IL6ST: variants seen among roughly 807,000 people sequenced by gnomAD.
IL6ST encodes interleukin 6 cytokine family signal transducer, also known as interleukin-6 receptor subunit beta.
In IL6ST, 24 loss-of-function variants were observed where a neutral mutation model predicts 91.3. The ratio of observed to expected loss-of-function variants is 0.26; its 90% CI spans 0.19 to 0.37. IL6ST has a LOEUF of 0.37. Among genes scored for constraint, IL6ST ranks in the 10% least tolerant of loss-of-function variants. The pLI is 1.00. For missense variants in IL6ST, 914 were observed against 1,078.5 expected, an observed-to-expected ratio of 0.85 and a Z score of 2.14; for synonymous variants, 351 against 373.6, an observed-to-expected ratio of 0.94 and a Z score of 0.70.
At chr5:55,993,134 C>T (rs764073906) in intron 1 of IL6ST, among the ~76,000 whole-genome samples, 1 of 152,242 alleles carries the variant, frequency 6.6e-6, no homozygotes, top group Non-Finnish European at 1.5e-5. Context: ...CCAGAGAATT[C>T]TGACTCCCAT....
chr5:55,980,040 T>C (rs2111883093), intron 2 of IL6ST, among the ~76,000 whole-genome samples: 1 of 152,318 alleles, frequency 6.6e-6, no homozygotes, highest in East Asian at 1.9e-4. Flanking sequence ...TTGCTATTAT[T>C]TGTGGGCAAA....
Position 55,939,948 on chromosome 5 carries a change from A to G in IL6ST, c.*1134T>C, listed in dbSNP as rs970205548. On this transcript the variant is annotated 3_prime_UTR_variant, in exon 17 of 17. Coordinates refer to ENST00000381298, the MANE Select transcript of IL6ST (RefSeq NM_002184.4). Reference sequence around the variant, plus strand: ...TTGGGGTTCTGTTTTGTTTTGGCAAATATTGCCCAAGTTGTCTTAGTGTGC... The same window carrying G: ...TTGGGGTTCTGTTTTGTTTTGGCAAGTATTGCCCAAGTTGTCTTAGTGTGC... 4 of 204,290 alleles carry G rather than the reference A, an allele frequency of 2.0e-5. No homozygotes were observed. Among genetic ancestry groups the G allele is most frequent in the Non-Finnish European group, 4.0e-5 (4 of 99,638 alleles). The allele number at this position is 204,290 out of a possible 1,614,324, so 12.7% of individuals were successfully genotyped here. A position where few individuals can be genotyped will look rare whatever the true frequency, so the allele number is the denominator to read the frequency against.
chr5:55,981,409 C>A (rs1753661285), intron 2 of IL6ST, among the ~76,000 whole-genome samples: 1 of 152,094 alleles, frequency 6.6e-6, no homozygotes, highest in Non-Finnish European at 1.5e-5. Context: ...CTTTGGGAAG[C>A]CAAGGCAGGC....
Position 55,960,499 on chromosome 5 carries a change from A to G in IL6ST, c.876T>C (p.Phe292=), listed in dbSNP as rs769931450. The G allele has an allele frequency of 6.2e-7, 1 of 1,613,944 alleles. No homozygotes were observed. Among genetic ancestry groups the G allele is most frequent in the Non-Finnish European group, 8.5e-7 (1 of 1,179,788 alleles). ...AGCGAATCCTAAACACATATTCTGT[A>G]AAAGGTTTAAGGTCTTGGACAGTGA... The part of the protein sequence containing the change: ...SSFTVQDLKP[F]TEYVFRIRCM... Residue 292 remains phenylalanine, a synonymous_variant, in exon 8 of 17, where the codon TTT becomes TTC. Coordinates refer to ENST00000381298, the MANE Select transcript of IL6ST (RefSeq NM_002184.4).
chr5:55,961,650 C>T (rs1435370719), intron 7 of IL6ST, among the ~76,000 whole-genome samples: 4 of 151,620 alleles, frequency 2.6e-5, no homozygotes, highest in African/African-American at 7.3e-5. Context: ...CCCAGCTACT[C>T]GGGAGTCTGA....
rs1031180562 is a variant in IL6ST at position 55,938,517 on chromosome 5, A to T, written c.*2565T>A. 3.5e-5 allele frequency: 7 copies of T among 199,180 alleles called. No individual in the cohort carries two copies. Among genetic ancestry groups the T allele is most frequent in the African/African-American group, 1.6e-4 (7 of 43,422 alleles). The allele number at this position is 199,180 out of a possible 1,614,324, so 12.3% of individuals were successfully genotyped here. On this transcript the variant is annotated 3_prime_UTR_variant, in exon 17 of 17. Transcript: ENST00000381298. ...TTATAACCCTAAAGGGAGCAACTGCAGGTGCAGAAGCAGTGAGTGAACTAG... is the reference window on the plus strand; with the variant it reads ...TTATAACCCTAAAGGGAGCAACTGCTGGTGCAGAAGCAGTGAGTGAACTAG...
chr5:55,951,943 A>G lies in IL6ST; in HGVS notation c.1685T>C (p.Ile562Thr). Reference protein sequence around the residue: ...RNYTIFYRTIIGNETAVNVDS... With the variant: ...RNYTIFYRTITGNETAVNVDS... Reference sequence around the variant, plus strand: ...AGTTTTATTACCAGTTTCATTTCCAATGATGGTTCTATAAAATATAGTATA... The same window carrying G: ...AGTTTTATTACCAGTTTCATTTCCAGTGATGGTTCTATAAAATATAGTATA... The change falls in exon 13 of 17, where the codon ATT (isoleucine) becomes ACT (threonine). Residue 562 changes from isoleucine to threonine, a missense_variant. Coordinates refer to ENST00000381298, the MANE Select transcript of IL6ST (RefSeq NM_002184.4). The G allele has an allele frequency of 6.8e-7, 1 of 1,465,686 alleles. No homozygotes were observed. The highest frequency in any genetic ancestry group is 9.5e-7 in the Non-Finnish European group (1 of 1,053,522). The allele number at this position is 1,465,686 out of a possible 1,614,324, so 90.8% of individuals were successfully genotyped here.
chr5:55,974,070 A>G (rs898163766), intron 3 of IL6ST, among the ~76,000 whole-genome samples: 4 of 152,226 alleles, frequency 2.6e-5, no homozygotes, highest in African/African-American at 9.6e-5. Context: ...TTCACTGATC[A>G]CTAGCTCAAC....
chr5:55,952,014 C>T lies in IL6ST; in HGVS notation c.1614G>A (p.Glu538=), dbSNP rs759691065. 1 of 1,611,324 alleles carries T rather than the reference C, an allele frequency of 6.2e-7. No homozygotes were observed. ...GAACATCAACAGGAAGTTGGTCCCA[C>T]TCTAAGACAGCTTCGTTTTTCCCTA... ...KKVGKNEAVL[E]WDQLPVDVQN... is the part of the protein sequence containing the mutation. The change falls in exon 13 of 17, where the codon GAG becomes GAA. Residue 538 remains glutamate (E), a synonymous_variant. Coordinates refer to ENST00000381298, the MANE Select transcript of IL6ST (RefSeq NM_002184.4).
At chr5:55,986,126 C>T (rs957034059) in intron 1 of IL6ST, among the ~76,000 whole-genome samples, 18 of 152,154 alleles carry the variant, frequency 1.2e-4, no homozygotes, top group African/African-American at 4.1e-4. Flanking sequence ...ATGGTCATTA[C>T]GTGAATTTGG....
intron 7 of IL6ST, 152 bp from the exon 8 acceptor site, chr5:55,960,713 T>C (rs1284364171): frequency 1.7e-6 from 1 of 603,758 alleles, no homozygotes; most frequent in East Asian, 3.1e-5. Flanking sequence ...ACACAACCTC[T>C]ACCTCTCCCA....
intron 3 of IL6ST, among the ~76,000 whole-genome samples, chr5:55,970,321 A>G (rs142971183): frequency 3.3e-4 from 50 of 152,312 alleles, no homozygotes; most frequent in African/African-American, 1.2e-3. Flanking sequence ...TCAGACAACA[A>G]AGGAAACAGC....
intron 5 of IL6ST, among the ~76,000 whole-genome samples, chr5:55,966,872 C>T (rs1293790050): frequency 4.6e-5 from 7 of 150,898 alleles, no homozygotes; most frequent in African/African-American, 1.7e-4. Flanking sequence ...ATCTTAGTAT[C>T]AGAAAAAAGA....
intron 3 of IL6ST, among the ~76,000 whole-genome samples, chr5:55,972,511 C>T (rs1429930446): frequency 6.6e-6 from 1 of 151,130 alleles, no homozygotes; most frequent in Non-Finnish European, 1.5e-5. Context: ...GATTCAGTCT[C>T]GAAAAAAAAG....
intron 2 of IL6ST, among the ~76,000 whole-genome samples, chr5:55,977,479 A>C (rs1044958207): frequency 7.2e-5 from 11 of 152,094 alleles, no homozygotes; most frequent in African/African-American, 2.7e-4. Context: ...GCATAAAGGA[A>C]ATCTGGGGTG....
chr5:55,941,331 T>G lies in IL6ST; in HGVS notation c.2508A>C (p.Gln836His). 1 of 1,614,104 alleles carries G rather than the reference T, an allele frequency of 6.2e-7. No individual in the cohort carries two copies. The highest frequency in any genetic ancestry group is 8.5e-7 in the Non-Finnish European group (1 of 1,179,982). The change falls in exon 17 of 17, where the codon CAA (glutamine) becomes CAC (histidine). Residue 836 changes from glutamine (Q) to histidine (H), a missense_variant. Gln to His is a conservative substitution (Grantham distance 24, BLOSUM62 0). Coordinates refer to ENST00000381298, the MANE Select transcript of IL6ST (RefSeq NM_002184.4). Reference sequence around the variant, plus strand: ...AATCTTCCTCATTGACTGATGAAACTTGCTTTGACCTTTCAAAATGTGAAA... The same window carrying G: ...AATCTTCCTCATTGACTGATGAAACGTGCTTTGACCTTTCAAAATGTGAAA... ...PDISHFERSK[Q>H]VSSVNEEDFV... is the part of the protein sequence containing the mutation.
rs144936282 is a variant in IL6ST at position 55,950,917 on chromosome 5, C to A, written c.1840+547G>T. On this transcript the variant is annotated intron_variant, in intron 14 of 16. Coordinates refer to ENST00000381298, the MANE Select transcript of IL6ST (RefSeq NM_002184.4). ...TGTGCCATGTTCATGCCATTGCACTCCACTGTAGCCTGGGCAACAGAGTAA... is the reference window on the plus strand; with the variant it reads ...TGTGCCATGTTCATGCCATTGCACTACACTGTAGCCTGGGCAACAGAGTAA... 2.2e-4 allele frequency among the ~76,000 whole-genome samples: 34 copies of A among 151,730 alleles called. No homozygotes were observed. In the East Asian group the frequency reaches 4.6e-3, roughly 21 times the overall value.
In IL6ST at chr5:55,942,630, G is replaced by A. The variant is rs755607727; in HGVS notation, c.2019+40C>T. 1.2e-5 allele frequency: 13 copies of A among 1,060,714 alleles called. No homozygotes were observed. The East Asian group carries it at 2.9e-4, about 23-fold the overall frequency. 65.7% of individuals were successfully genotyped at this position (1,060,714 alleles called of 1,614,324 possible). A position where few individuals can be genotyped will look rare whatever the true frequency, so the allele number is the denominator to read the frequency against. ...AGATACTCAATATACCTACTAACAT[G>A]TCTGTATATTATAAACAACTCAGAA... On this transcript the variant is annotated intron_variant, in intron 16 of 16. Transcript: ENST00000381298.
chr5:55,955,622 A>G (rs1751906360), intron 10 of IL6ST, among the ~76,000 whole-genome samples: 1 of 152,274 alleles, frequency 6.6e-6, no homozygotes, highest in African/African-American at 2.4e-5. Context: ...TAATCAGAAT[A>G]TGCTTAAATG....
Sources: allele counts gnomAD v4.1 joint callset (sites outside exome capture counted in the v4.1 genomes callset), GRCh38; gene constraint gnomAD v4.1.1; transcripts MANE v1.5; gene names NCBI Gene and HGNC (gene_info 2026-07-23, HGNC 2026-07-21).